The following SLC44A3 variants were observed in gnomAD, a reference collection of about 807,000 sequenced individuals.
The protein encoded by SLC44A3 is solute carrier family 44 member 3.
SLC44A3 carries 74 observed loss-of-function variants against 75.4 expected under a neutral mutation model. That is an observed-to-expected ratio of 0.98 (90% CI 0.81 to 1.19). SLC44A3 has a LOEUF of 1.19. Among genes scored for constraint, SLC44A3 ranks in the 50% most tolerant of loss-of-function variants. The probability of loss-of-function intolerance (pLI) is 0.00; values close to 1 mark genes in which losing one functional copy is unlikely to be tolerated. For missense variants in SLC44A3, 700 were observed against 778.6 expected (o/e 0.90, Z 1.20); for synonymous variants, 310 against 296.9 (o/e 1.04, Z -0.45).
chr1:94,858,936 C>T (rs541290101), intron 10 of SLC44A3, among the ~76,000 whole-genome samples: 46 of 152,178 alleles, frequency 3.0e-4, no homozygotes, highest in Non-Finnish European at 5.7e-4. Context: ...GTGATCCACC[C>T]GCCTAGTCCT....
In SLC44A3 at chr1:94,828,567, A is replaced by C. The variant is rs747906373; in HGVS notation, c.490A>C (p.Arg164=). 6.2e-7 allele frequency: 1 copy of C among 1,613,860 alleles called. No homozygotes were observed. Among genetic ancestry groups the C allele is most frequent in the South Asian group, 1.1e-5 (1 of 90,952 alleles). ...HSPKADSLCP[R]LPVPPSKSFP... ...TCCAAAAGCAGACTCACTGTGTCCCAGGCTACCAGTTCCTCCAAGGTAAAA... is the reference window on the plus strand; with the variant it reads ...TCCAAAAGCAGACTCACTGTGTCCCCGGCTACCAGTTCCTCCAAGGTAAAA... The change falls in exon 5 of 15, where the codon AGG becomes CGG. Residue 164 remains arginine, a synonymous_variant. Coordinates refer to ENST00000271227, the MANE Select transcript of SLC44A3 (RefSeq NM_001114106.3).
chr1:94,889,524 TCACACACACA>T (rs57397808), intron 12 of SLC44A3, among the ~76,000 whole-genome samples: 2 of 111,622 alleles, frequency 1.8e-5, no homozygotes, highest in East Asian at 2.6e-4. Context: ...GTGAACATAA[TCACACACACA>T]CACACACACA....
chr1:94,861,097 T>C (rs1370945538), intron 10 of SLC44A3, among the ~76,000 whole-genome samples: 1 of 152,048 alleles, frequency 6.6e-6, no homozygotes, highest in Non-Finnish European at 1.5e-5. Context: ...AAAAAAAAAG[T>C]TGTACAGGAA....
intron 9 of SLC44A3, among the ~76,000 whole-genome samples, chr1:94,846,363 C>T (rs893945631): frequency 1.7e-4 from 26 of 152,108 alleles, no homozygotes; most frequent in Admixed American, 4.6e-4. Flanking sequence ...GATTGATTCA[C>T]GTGGTTTGCG....
At chr1:94,873,988 T>C (rs951637475) in intron 12 of SLC44A3, among the ~76,000 whole-genome samples, 1 of 152,212 alleles carries the variant, frequency 6.6e-6, no homozygotes, top group Non-Finnish European at 1.5e-5. Flanking sequence ...CCCTGCTGAC[T>C]GGTTTAGAGC....
chr1:94,856,450 G>C (rs568624686), intron 9 of SLC44A3, among the ~76,000 whole-genome samples: 89 of 152,282 alleles, frequency 5.8e-4, no homozygotes, highest in Non-Finnish European at 9.4e-4. Context: ...TTTTAAATGT[G>C]CTAAGAGAGT....
In SLC44A3 at chr1:94,820,481, A is replaced by G. The variant is rs1214109728; in HGVS notation, c.27+3A>G. On this transcript the variant is annotated splice_donor_region_variant and intron_variant, in intron 1 of 14. Transcript: ENST00000271227. ...ACTGCCTGGGCGCCGAGTACCTGGT[A>G]AGCGCTCGCAGCCTCGGCCCTCGGG... The G allele has an allele frequency of 6.7e-7, 1 of 1,494,628 alleles. No homozygotes were observed. The highest frequency in any genetic ancestry group is 8.9e-7 in the Non-Finnish European group (1 of 1,125,244). 92.6% of individuals were successfully genotyped at this position (1,494,628 alleles called of 1,614,324 possible). A position where few individuals can be genotyped will look rare whatever the true frequency, so the allele number is the denominator to read the frequency against.
At chr1:94,839,616 T>G (rs1357930369) in intron 6 of SLC44A3, among the ~76,000 whole-genome samples, 1 of 152,166 alleles carries the variant, frequency 6.6e-6, no homozygotes, top group Non-Finnish European at 1.5e-5. Flanking sequence ...CTCGAACTCC[T>G]GACCTCAGGT....
intron 12 of SLC44A3, among the ~76,000 whole-genome samples, chr1:94,868,473 A>G (rs1667408864): frequency 6.6e-6 from 1 of 152,176 alleles, no homozygotes; most frequent in Non-Finnish European, 1.5e-5. Context: ...GAGTATATTT[A>G]GTTTTCATTT....
chr1:94,867,252 T>C (rs1033549604), intron 11 of SLC44A3, 79 bp from the exon 12 acceptor site: 247 of 1,282,576 alleles, frequency 1.9e-4, no homozygotes, highest in Non-Finnish European at 2.4e-4. Context: ...GTAAAAACTG[T>C]GTTTCCTCAG....
At chr1:94,878,201 C>G (rs919812196) in intron 12 of SLC44A3, among the ~76,000 whole-genome samples, 4 of 152,070 alleles carry the variant, frequency 2.6e-5, no homozygotes, top group Admixed American at 6.6e-5. Context: ...CACCACTGCA[C>G]TCCAACCTGG....
intron 10 of SLC44A3, among the ~76,000 whole-genome samples, chr1:94,861,195 C>A (rs1230544028): frequency 1.3e-5 from 2 of 152,116 alleles, no homozygotes; most frequent in African/African-American, 4.8e-5. Flanking sequence ...AAACACTAAG[C>A]ATTAACTAAA....
intron 5 of SLC44A3, among the ~76,000 whole-genome samples, chr1:94,835,211 A>G (rs943216252): frequency 1.3e-5 from 2 of 152,222 alleles, no homozygotes; most frequent in African/African-American, 2.4e-5. Context: ...ACACTTTGAG[A>G]GGCAGAGGTG....
intron 12 of SLC44A3, among the ~76,000 whole-genome samples, chr1:94,878,725 T>C (rs1437312092): frequency 1.3e-5 from 2 of 152,194 alleles, no homozygotes; most frequent in African/African-American, 2.4e-5. Context: ...AGATACACTG[T>C]GCTACATAGA....
chr1:94,877,795 A>G (rs994905184), intron 12 of SLC44A3, among the ~76,000 whole-genome samples: 1 of 152,178 alleles, frequency 6.6e-6, no homozygotes, highest in African/African-American at 2.4e-5. Flanking sequence ...GGTGGGGTAG[A>G]GAGAGCATTT....
intron 12 of SLC44A3, among the ~76,000 whole-genome samples, chr1:94,889,526 A>T (rs1333402109): frequency 2.8e-5 from 2 of 72,432 alleles, no homozygotes; most frequent in Admixed American, 1.3e-4. Flanking sequence ...GAACATAATC[A>T]CACACACACA....
intron 12 of SLC44A3, among the ~76,000 whole-genome samples, chr1:94,875,751 G>GA (rs1668214226): frequency 6.6e-6 from 1 of 152,190 alleles, no homozygotes; most frequent in South Asian, 2.1e-4. Flanking sequence ...AACACTAGTT[G>GA]AAAAGGTCAG....
At chr1:94,894,529 G>A (rs1219836620) in intron 14 of SLC44A3, among the ~76,000 whole-genome samples, 1 of 152,156 alleles carries the variant, frequency 6.6e-6, no homozygotes, top group Admixed American at 6.5e-5. Flanking sequence ...GCCACTAAGT[G>A]TTCTTCAAGC....
chr1:94,885,175 C>G (rs984802015), intron 12 of SLC44A3, among the ~76,000 whole-genome samples: 2 of 130,438 alleles, frequency 1.5e-5, no homozygotes, highest in African/African-American at 5.8e-5. Flanking sequence ...CACAGGAATA[C>G]AATCGCGCCA....
Sources: gnomAD v4.1 joint callset for allele counts (sites outside exome capture counted in the v4.1 genomes callset) on GRCh38, gnomAD v4.1.1 for gene constraint, MANE v1.5 for transcripts, NCBI Gene and HGNC (gene_info 2026-07-23, HGNC 2026-07-21) for gene names.